LHFPL3: variants seen among roughly 807,000 people sequenced by gnomAD.
The protein encoded by LHFPL3 is LHFPL tetraspan subfamily member 3.
A neutral mutation model predicts 19.3 loss-of-function variants in LHFPL3; 5 were observed. The observed-to-expected ratio is 0.26, with a 90% CI of 0.14 to 0.54. The LOEUF is 0.54. LHFPL3 is among the 20% of genes least tolerant of loss of function. The pLI is 0.94. For missense variants in LHFPL3, 249 were observed against 307.4 expected, an observed-to-expected ratio of 0.81 and a Z score of 1.42; for synonymous variants, 133 against 126.2, an observed-to-expected ratio of 1.05 and a Z score of -0.36.
At chr7:104,699,413 C>T (rs2116167375) in intron 1 of LHFPL3, among the ~76,000 whole-genome samples, 1 of 152,300 alleles carries the variant, frequency 6.6e-6, no homozygotes, top group Non-Finnish European at 1.5e-5. Context: ...TGAACCATAA[C>T]CTTGAAGACA....
At chr7:104,352,306 T>C (rs1438431625) in intron 1 of LHFPL3, among the ~76,000 whole-genome samples, 1 of 152,174 alleles carries the variant, frequency 6.6e-6, no homozygotes, top group African/African-American at 2.4e-5. Flanking sequence ...ATTATTACCA[T>C]TACATTTATA....
intron 1 of LHFPL3, among the ~76,000 whole-genome samples, chr7:104,606,051 G>A (rs1791091849): frequency 6.6e-6 from 1 of 152,132 alleles, no homozygotes; most frequent in African/African-American, 2.4e-5. Context: ...TTTGGAAACA[G>A]GGTCTCATTA....
chr7:104,738,937 T>C (rs1016481546), intron 2 of LHFPL3: 1 of 152,114 alleles, frequency 6.6e-6, no homozygotes, highest in Non-Finnish European at 1.5e-5. Flanking sequence ...TATGTGACCG[T>C]AGTTTCTTCC....
At chr7:104,473,896 A>G (rs553378899) in intron 1 of LHFPL3, among the ~76,000 whole-genome samples, 1 of 152,372 alleles carries the variant, frequency 6.6e-6, no homozygotes, top group Admixed American at 6.5e-5. Flanking sequence ...TAAAACATTT[A>G]CTTGGGGATA....
chr7:104,328,652 G>C lies in LHFPL3; in HGVS notation c.-128G>C. The stretch of plus-strand genomic sequence containing the variant: ...CGAGGATGCAGACTCTGAAACTGGT[G>C]CTGCTGGGCTGAGGCGGAGGCAGGG... On this transcript the variant is annotated 5_prime_UTR_variant, in exon 1 of 3. Coordinates refer to ENST00000424859, the MANE Select transcript of LHFPL3 (RefSeq NM_199000.3). The surrounding 1 kb of genome is among the most constrained non-coding windows in gnomAD (Gnocchi z 4.6). 1.3e-6 allele frequency: 1 copy of C among 787,598 alleles called. No individual in the cohort carries two copies. The highest frequency in any genetic ancestry group is 2.4e-5 in the Admixed American group (1 of 42,238). 48.8% of individuals were successfully genotyped at this position (787,598 alleles called of 1,614,324 possible). A position where few individuals can be genotyped will look rare whatever the true frequency, so the allele number is the denominator to read the frequency against.
At chr7:104,905,242 C>T (rs968592192) in intron 2 of LHFPL3, among the ~76,000 whole-genome samples, 8 of 151,846 alleles carry the variant, frequency 5.3e-5, no homozygotes, top group Admixed American at 6.6e-5. Flanking sequence ...AAGTGTGAGC[C>T]GTAACACCCA....
chr7:104,690,910 A>G (rs1270274535), intron 1 of LHFPL3, among the ~76,000 whole-genome samples: 1 of 152,194 alleles, frequency 6.6e-6, no homozygotes, highest in African/African-American at 2.4e-5. Context: ...GACCCAGCAG[A>G]TCCAATGGTG....
intron 1 of LHFPL3, among the ~76,000 whole-genome samples, chr7:104,680,466 T>C (rs982802862): frequency 3.3e-5 from 5 of 152,210 alleles, no homozygotes; most frequent in African/African-American, 9.6e-5. Flanking sequence ...CATGAGCAAG[T>C]GCTCTGATGG....
intron 1 of LHFPL3, among the ~76,000 whole-genome samples, chr7:104,671,664 A>G (rs2116044026): frequency 6.6e-6 from 1 of 152,204 alleles, no homozygotes; most frequent in South Asian, 2.1e-4. Context: ...CTCCAATACT[A>G]ACTATTTGTG....
At chr7:104,423,270 G>A (rs1379393391) in intron 1 of LHFPL3, among the ~76,000 whole-genome samples, 1 of 152,146 alleles carries the variant, frequency 6.6e-6, no homozygotes, top group Non-Finnish European at 1.5e-5. Flanking sequence ...GGCTGCTATG[G>A]AAGTACATAA....
intron 1 of LHFPL3, among the ~76,000 whole-genome samples, chr7:104,500,097 C>T (rs760407209): frequency 8.5e-5 from 13 of 152,092 alleles, no homozygotes; most frequent in Non-Finnish European, 1.8e-4. Flanking sequence ...TGATTCAGTC[C>T]GAGAAGAGAT....
intron 1 of LHFPL3, among the ~76,000 whole-genome samples, chr7:104,586,382 T>C (rs745379924): frequency 1.3e-5 from 2 of 152,132 alleles, no homozygotes; most frequent in Non-Finnish European, 2.9e-5. Flanking sequence ...AAGTTTCTTC[T>C]CCCTGATATC....
intron 1 of LHFPL3, among the ~76,000 whole-genome samples, chr7:104,375,003 A>G (rs1463415080): frequency 1.3e-5 from 2 of 152,234 alleles, no homozygotes; most frequent in East Asian, 3.8e-4. Flanking sequence ...ATCAAGTGTC[A>G]GTATATTTTC....
At chr7:104,427,657 A>G (rs1245523659) in intron 1 of LHFPL3, among the ~76,000 whole-genome samples, 1 of 152,190 alleles carries the variant, frequency 6.6e-6, no homozygotes, top group East Asian at 1.9e-4. Context: ...TTGGGTCCCC[A>G]TTAGGACTTT....
chr7:104,875,017 ATT>A (rs34860948), intron 2 of LHFPL3, among the ~76,000 whole-genome samples: 1 of 142,108 alleles, frequency 7.0e-6, no homozygotes, highest in African/African-American at 2.6e-5. Context: ...TGGGGAATGT[ATT>A]TTTTTTTTTA....
chr7:104,758,805 A>G (rs1023781252), intron 2 of LHFPL3, among the ~76,000 whole-genome samples: 6 of 152,084 alleles, frequency 3.9e-5, no homozygotes, highest in African/African-American at 1.2e-4. Flanking sequence ...TGTCATTAGA[A>G]TGCTCTCTGA....
At chr7:104,703,513 G>A (rs1229176618) in intron 1 of LHFPL3, among the ~76,000 whole-genome samples, 1 of 152,134 alleles carries the variant, frequency 6.6e-6, no homozygotes, top group Non-Finnish European at 1.5e-5. Flanking sequence ...TAGCTAAGCT[G>A]CTTAAATGCT....
intron 1 of LHFPL3, among the ~76,000 whole-genome samples, chr7:104,385,097 C>G (rs1790911915): frequency 6.6e-6 from 1 of 152,112 alleles, no homozygotes; most frequent in South Asian, 2.1e-4. Flanking sequence ...TGTGGTGACT[C>G]ACGCCTGTAA....
chr7:104,522,911 C>T (rs993666025), intron 1 of LHFPL3, among the ~76,000 whole-genome samples: 16 of 151,974 alleles, frequency 1.1e-4, no homozygotes, highest in African/African-American at 3.9e-4. Context: ...GGCTGCTTAG[C>T]GGCAGTGAGT....
Sources: allele counts gnomAD v4.1 joint callset (sites outside exome capture counted in the v4.1 genomes callset), GRCh38; gene constraint gnomAD v4.1.1; non-coding constraint Gnocchi (gnomAD v3.1); transcripts MANE v1.5; gene names NCBI Gene and HGNC (gene_info 2026-07-23, HGNC 2026-07-21).